SLC52A2: variants seen among roughly 807,000 people sequenced by gnomAD.
SLC52A2 encodes solute carrier family 52 member 2, also known as solute carrier family 52, riboflavin transporter, member 2.
In SLC52A2, 16 loss-of-function variants were observed where a neutral mutation model predicts 24.8. That is an observed-to-expected ratio of 0.64 (90% CI 0.44 to 0.98). The LOEUF (loss-of-function observed/expected upper bound fraction) is 0.98. SLC52A2 is among the 50% of genes least tolerant of loss of function. The pLI, the probability that SLC52A2 is intolerant of heterozygous loss-of-function variation, is 0.00. For missense variants in SLC52A2, 612 were observed against 575.9 expected (o/e 1.06, Z -0.64); for synonymous variants, 335 against 276.3 (o/e 1.21, Z -2.11).
Position 144,359,709 on chromosome 8 carries a change from C to T in SLC52A2, c.217C>T (p.Pro73Ser), listed in dbSNP as rs782022070. 52 of 1,613,622 alleles carry T rather than the reference C, an allele frequency of 3.2e-5. No homozygotes were observed. In the East Asian group the frequency reaches 1.0e-3, roughly 32 times the overall value. ...GGTGACCCTCTGGAGGAGGCTGGCC[C>T]CAGGAAAGGACGAGCAGGTCCCCAT... ...LVVTLWRRLAPGKDEQVPIRV... is the reference protein window; with the variant it reads ...LVVTLWRRLASGKDEQVPIRV... The change falls in exon 3 of 5, where the codon CCA becomes TCA. Residue 73 changes from proline to serine, a missense_variant. By Grantham distance (74) the Pro-to-Ser change is moderately conservative. Transcript: ENST00000643944.
At chr8:144,359,501 T>G in intron 2 of SLC52A2, 78 bp downstream of exon 2, 1 of 1,613,134 alleles carries the variant, frequency 6.2e-7, no homozygotes, top group South Asian at 1.1e-5. Context: ...CTACCTGTGG[T>G]GGTCAGAGAG....
At position 144,359,983 on chromosome 8, in the gene SLC52A2, T is replaced by C. The variant is rs1554854001; in HGVS notation, c.491T>C (p.Val164Ala). ...SALLPCVLAL[V>A]QGVGRLECPP... ...CTGCTGCCCTGCGTGCTGGCCCTAG[T>C]GCAGGGTGTGGGCCGCCTCGAGTGC... Residue 164 changes from valine to alanine, a missense_variant, in exon 3 of 5, where the codon GTG becomes GCG. Val to Ala is a moderately conservative substitution (Grantham distance 64). Coordinates refer to ENST00000643944, the MANE Select transcript of SLC52A2 (RefSeq NM_001363118.2). The C allele has an allele frequency of 6.2e-7, 1 of 1,613,062 alleles. No homozygotes were observed. The highest frequency in any genetic ancestry group is 1.1e-5 in the South Asian group (1 of 91,090).
chr8:144,358,630 C>G lies in SLC52A2; in HGVS notation c.-546C>G, dbSNP rs1426710095. The G allele has an allele frequency of 6.1e-6, 4 of 656,086 alleles. No homozygotes were observed. Among genetic ancestry groups the G allele is most frequent in the South Asian group, 8.1e-5 (1 of 12,322 alleles). 40.6% of individuals were successfully genotyped at this position (656,086 alleles called of 1,614,324 possible). ...CCACGGGTGAGTCGGGTCGTGGCTG[C>G]TGCCGGGTCCTGCGCGCTCCGGACT... On this transcript the variant is annotated 5_prime_UTR_variant, in exon 1 of 5. Coordinates refer to ENST00000643944, the MANE Select transcript of SLC52A2 (RefSeq NM_001363118.2).
In SLC52A2 at chr8:144,358,917, G is replaced by T. The variant is rs1217653269; in HGVS notation, c.-259G>T. ...CTCCTCCTGGTAGGCGCCCTTTCCC[G>T]GCGTCCGGCTTGGGGTGGTGGTGGC... is the stretch of plus-strand genomic sequence containing the variant. On this transcript the variant is annotated 5_prime_UTR_variant, in exon 1 of 5. Transcript: ENST00000643944. The T allele has an allele frequency of 1.7e-5, 4 of 240,418 alleles. No individual in the cohort carries two copies. Among genetic ancestry groups the T allele is most frequent in the African/African-American group, 9.1e-5 (4 of 43,976 alleles). The allele number at this position is 240,418 out of a possible 1,614,324, so 14.9% of individuals were successfully genotyped here. A position where few individuals can be genotyped will look rare whatever the true frequency, so the allele number is the denominator to read the frequency against.
In SLC52A2 at chr8:144,360,917, G is replaced by A. The variant is rs1554854625; in HGVS notation, c.1240G>A (p.Val414Met). The A allele has an allele frequency of 8.7e-6, 14 of 1,613,338 alleles. No homozygotes were observed. Among genetic ancestry groups the A allele is most frequent in the African/African-American group, 1.3e-5 (1 of 75,050 alleles). The change falls in exon 5 of 5, where the codon GTG (valine) becomes ATG (methionine). Residue 414 changes from valine (V) to methionine (M), a missense_variant. Physicochemically the swap from Val to Met is conservative, Grantham distance 21. Coordinates refer to ENST00000643944, the MANE Select transcript of SLC52A2 (RefSeq NM_001363118.2). ...GCTGGCAGCCGGCGTGGCCATCCAG[G>A]TGGGCTCTCTGCTCGGCGCTGTTGC... Reference protein sequence around the residue: ...ALLAAGVAIQVGSLLGAVAMF... With the variant: ...ALLAAGVAIQMGSLLGAVAMF...
rs782368351 is a variant in SLC52A2 at position 144,360,025 on chromosome 8, A to G, written c.533A>G (p.Asn178Ser). The change falls in exon 3 of 5, where the codon AAC becomes AGC. Residue 178 changes from asparagine to serine, a missense_variant. Transcript: ENST00000643944. ...GRLECPPAPI[N>S]GTPGPPLDFL... ...CTCGAGTGCCCGCCAGCCCCCATCA[A>G]CGGCACCCCTGGCCCCCCGCTCGAC... is the stretch of plus-strand genomic sequence containing the variant. 7 of 1,612,750 alleles carry G rather than the reference A, an allele frequency of 4.3e-6. No homozygotes were observed. Among genetic ancestry groups the G allele is most frequent in the South Asian group, 3.3e-5 (3 of 91,066 alleles).
In SLC52A2 at chr8:144,360,447, G is replaced by A. The variant is rs1029637980; in HGVS notation, c.955G>A (p.Ala319Thr). The change falls in exon 3 of 5, where the codon GCT becomes ACT. Residue 319 changes from alanine to threonine, a missense_variant. Physicochemically the swap from Ala to Thr is moderately conservative, Grantham distance 58. Transcript: ENST00000643944. ...AYHLAVVLGS[A>T]ANPLACFLAM... ...CCACCTGGCTGTGGTGCTGGGCAGT[G>A]CTGCCAATCCCCTGGCCTGCTTCCT... 7 of 1,605,060 alleles carry A rather than the reference G, an allele frequency of 4.4e-6. No homozygotes were observed. The African/African-American group carries it at 8.0e-5, about 18-fold the overall frequency.
In SLC52A2 at chr8:144,361,264, T is replaced by G; in HGVS notation, c.*249T>G. ...CATGTGGTTTGCGTAATAAAACATT[T>G]GTATTTAATGAGTTGGCATTAATTC... On this transcript the variant is annotated 3_prime_UTR_variant, in exon 5 of 5. Transcript: ENST00000643944. 1.9e-6 allele frequency: 1 copy of G among 524,032 alleles called. No individual in the cohort carries two copies. Among genetic ancestry groups the G allele is most frequent in the Non-Finnish European group, 3.4e-6 (1 of 294,378 alleles). 32.5% of individuals were successfully genotyped at this position (524,032 alleles called of 1,614,324 possible).
At position 144,359,315 on chromosome 8, in the gene SLC52A2, C is replaced by G. The variant is rs782801416; in HGVS notation, c.22C>G (p.Arg8Gly). The change falls in exon 2 of 5, where the codon CGT (arginine) becomes GGT (glycine). Residue 8 changes from arginine (R) to glycine (G), a missense_variant. Transcript: ENST00000643944. ...CTGAATGGCAGCACCCACGCCCGCC[C>G]GTCCGGTGCTGACCCACCTGCTGGT... MAAPTPA[R>G]PVLTHLLVAL... is the part of the protein sequence containing the mutation. 6.2e-7 allele frequency: 1 copy of G among 1,613,434 alleles called. No homozygotes were observed. Among genetic ancestry groups the G allele is most frequent in the Non-Finnish European group, 8.5e-7 (1 of 1,179,860 alleles).
In SLC52A2 at chr8:144,361,081, A is replaced by C; in HGVS notation, c.*66A>C. On this transcript the variant is annotated 3_prime_UTR_variant, in exon 5 of 5. Transcript: ENST00000643944. The stretch of plus-strand genomic sequence containing the variant: ...TCCCTCAATGCTGCCACCATGCCTG[A>C]GTGCCTGCAGCCCAGGAGGCCCGCA... The C allele has an allele frequency of 1.3e-6, 2 of 1,512,430 alleles. No individual in the cohort carries two copies. The highest frequency in any genetic ancestry group is 1.8e-6 in the Non-Finnish European group (2 of 1,099,056). 93.7% of individuals were successfully genotyped at this position (1,512,430 alleles called of 1,614,324 possible).
Position 144,359,205 on chromosome 8 carries a change from C to A in SLC52A2, c.-89C>A. The A allele has an allele frequency of 6.6e-7, 1 of 1,519,938 alleles. No homozygotes were observed. 94.2% of individuals were successfully genotyped at this position (1,519,938 alleles called of 1,614,324 possible). A position where few individuals can be genotyped will look rare whatever the true frequency, so the allele number is the denominator to read the frequency against. On this transcript the variant is annotated 5_prime_UTR_variant, in exon 2 of 5. Coordinates refer to ENST00000643944, the MANE Select transcript of SLC52A2 (RefSeq NM_001363118.2). ...CAAGCTAGAAGAAGTCTTCACTTCC[C>A]AGGAGAGCCAAAGCGTGTCTGGCCC...
Position 144,359,177 on chromosome 8 carries a change from T to G in SLC52A2, c.-110-7T>G, listed in dbSNP as rs976384253. The G allele has an allele frequency of 1.6e-5, 23 of 1,462,648 alleles. No individual in the cohort carries two copies. The highest frequency in any genetic ancestry group is 1.8e-4 in the Middle Eastern group (1 of 5,540). 90.6% of individuals were successfully genotyped at this position (1,462,648 alleles called of 1,614,324 possible). On this transcript the variant is annotated splice_polypyrimidine_tract_variant and splice_region_variant and intron_variant, in intron 1 of 4. Transcript: ENST00000643944. ...TGCATCCTATCTGTTTCTCTGTTTC[T>G]TTCAAGCTAGAAGAAGTCTTCACTT...
In SLC52A2 at chr8:144,360,626, C is replaced by T. The variant is rs782034472; in HGVS notation, c.1038C>T (p.Gly346=). ...GGCTGGGCGGCCTCTCTCTGCTGGGCGTGTTCTGTGGGGGCTACCTGATGG... is the reference window on the plus strand; with the variant it reads ...GGCTGGGCGGCCTCTCTCTGCTGGGTGTGTTCTGTGGGGGCTACCTGATGG... ...LAGLGGLSLL[G]VFCGGYLMAL... The change falls in exon 4 of 5, where the codon GGC becomes GGT. Residue 346 remains glycine, a synonymous_variant. Transcript: ENST00000643944. 1.9e-5 allele frequency: 30 copies of T among 1,603,818 alleles called. No homozygotes were observed. Among genetic ancestry groups the T allele is most frequent in the Non-Finnish European group, 2.3e-5 (27 of 1,179,536 alleles).
Position 144,359,689 on chromosome 8 carries a change from C to G in SLC52A2, c.197C>G (p.Thr66Ser), listed in dbSNP as rs1341097702. 5.0e-6 allele frequency: 8 copies of G among 1,613,584 alleles called. No homozygotes were observed. The highest frequency in any genetic ancestry group is 6.8e-6 in the Non-Finnish European group (8 of 1,180,000). ...ALGNLGLLVV[T>S]LWRRLAPGKD... ...GGGAACCTGGGTCTGCTGGTGGTGA[C>G]CCTCTGGAGGAGGCTGGCCCCAGGA... Residue 66 changes from threonine (T) to serine (S), a missense_variant, in exon 3 of 5, where the codon ACC (threonine) becomes AGC (serine). Coordinates refer to ENST00000643944, the MANE Select transcript of SLC52A2 (RefSeq NM_001363118.2).
chr8:144,360,088 C>A lies in SLC52A2; in HGVS notation c.596C>A (p.Ala199Glu). ...TTTCCCGCCAGCACCTTCTTCTGGG[C>A]ACTGACTGCCCTTCTGGTCGCTTCA... ...ERFPASTFFWALTALLVASAA... is the reference protein window; with the variant it reads ...ERFPASTFFWELTALLVASAA... The change falls in exon 3 of 5, where the codon GCA becomes GAA. Residue 199 changes from alanine to glutamate, a missense_variant. Coordinates refer to ENST00000643944, the MANE Select transcript of SLC52A2 (RefSeq NM_001363118.2). The A allele has an allele frequency of 6.2e-7, 1 of 1,613,020 alleles. No individual in the cohort carries two copies. Among genetic ancestry groups the A allele is most frequent in the Non-Finnish European group, 8.5e-7 (1 of 1,180,026 alleles).
chr8:144,360,073 G>A lies in SLC52A2; in HGVS notation c.581G>A (p.Ser194Asn), dbSNP rs782409764. The A allele has an allele frequency of 6.2e-7, 1 of 1,612,866 alleles. No individual in the cohort carries two copies. Among genetic ancestry groups the A allele is most frequent in the Non-Finnish European group, 8.5e-7 (1 of 1,180,024 alleles). ...GACTTCCTTGAGCGTTTTCCCGCCA[G>A]CACCTTCTTCTGGGCACTGACTGCC... ...PLDFLERFPA[S>N]TFFWALTALL... The change falls in exon 3 of 5, where the codon AGC becomes AAC. Residue 194 changes from serine to asparagine, a missense_variant. By Grantham distance (46) the Ser-to-Asn change is conservative. Coordinates refer to ENST00000643944, the MANE Select transcript of SLC52A2 (RefSeq NM_001363118.2).
Position 144,359,180 on chromosome 8 carries a change from C to G in SLC52A2, c.-110-4C>G, listed in dbSNP as rs1286172169. 11 of 1,462,160 alleles carry G rather than the reference C, an allele frequency of 7.5e-6. No individual in the cohort carries two copies. In the Admixed American group the frequency reaches 2.5e-4, roughly 33 times the overall value. The allele number at this position is 1,462,160 out of a possible 1,614,324, so 90.6% of individuals were successfully genotyped here. On this transcript the variant is annotated splice_polypyrimidine_tract_variant and splice_region_variant and intron_variant, in intron 1 of 4. Transcript: ENST00000643944. Reference sequence around the variant, plus strand: ...ATCCTATCTGTTTCTCTGTTTCTTTCAAGCTAGAAGAAGTCTTCACTTCCC... The same window carrying G: ...ATCCTATCTGTTTCTCTGTTTCTTTGAAGCTAGAAGAAGTCTTCACTTCCC...
chr8:144,359,803 C>A lies in SLC52A2; in HGVS notation c.311C>A (p.Pro104Gln), dbSNP rs782274380. ...GCCTCTCTGTGGCACCATGTGGCCC[C>A]AGTGGCAGGACAGTTGCATTCTGTG... ...LLASLWHHVA[P>Q]VAGQLHSVAF... is the part of the protein sequence containing the mutation. The change falls in exon 3 of 5, where the codon CCA (proline) becomes CAA (glutamine). Residue 104 changes from proline to glutamine, a missense_variant. Transcript: ENST00000643944. The A allele has an allele frequency of 7.4e-6, 12 of 1,613,706 alleles. No individual in the cohort carries two copies. The South Asian group carries it at 1.1e-4, about 15-fold the overall frequency.
rs782065920 is a variant in SLC52A2 at position 144,360,927 on chromosome 8, T to C, written c.1250T>C (p.Leu417Pro). The C allele has an allele frequency of 2.5e-5, 41 of 1,613,274 alleles. No homozygotes were observed. Among genetic ancestry groups the C allele is most frequent in the Non-Finnish European group, 3.5e-5 (41 of 1,179,992 alleles). The change falls in exon 5 of 5, where the codon CTG becomes CCG. Residue 417 changes from leucine to proline, a missense_variant. Leu to Pro is a moderately conservative substitution (Grantham distance 98). Transcript: ENST00000643944. ...AAGVAIQVGSLLGAVAMFPPT... is the reference protein window; with the variant it reads ...AAGVAIQVGSPLGAVAMFPPT... ...GGCGTGGCCATCCAGGTGGGCTCTC[T>C]GCTCGGCGCTGTTGCTATGTTCCCC...
Sources: allele counts gnomAD v4.1 joint callset, GRCh38; gene constraint gnomAD v4.1.1; transcripts MANE v1.5; gene names NCBI Gene and HGNC (gene_info 2026-07-23, HGNC 2026-07-21).